STRIP2: variants seen among roughly 807,000 people sequenced by gnomAD.
The protein encoded by STRIP2 is striatin interacting protein 2.
STRIP2 carries 84 observed loss-of-function variants against 107.1 expected under a neutral mutation model. The ratio of observed to expected loss-of-function variants is 0.78; its 90% CI spans 0.66 to 0.94. The LOEUF is 0.94. Ranked by LOEUF, STRIP2 falls within the 40% of genes least tolerant of loss-of-function variation. STRIP2 has a pLI of 0.00. For missense variants in STRIP2, 888 were observed against 1,034.2 expected, an observed-to-expected ratio of 0.86 and a Z score of 1.94; for synonymous variants, 394 against 400.4, an observed-to-expected ratio of 0.98 and a Z score of 0.19.
At chr7:129,454,116 C>G (rs762690939) in intron 5 of STRIP2, 26 bp from the exon 6 acceptor site, 1 of 1,607,716 alleles carries the variant, frequency 6.2e-7, no homozygotes, top group African/African-American at 1.3e-5. Flanking sequence ...TTATGCATTC[C>G]TGTTCTTTTT....
At chr7:129,484,374 TA>T (rs1336237701) in intron 20 of STRIP2, 2 of 152,212 alleles carry the variant, frequency 1.3e-5, no homozygotes, top group African/African-American at 4.8e-5. Context: ...AGAGCTTTTT[TA>T]TTGTTTTGTA....
At chr7:129,477,224 G>GGGAGAGGGAGAC (rs1471833741) in intron 18 of STRIP2, among the ~76,000 whole-genome samples, 1 of 85,558 alleles carries the variant, frequency 1.2e-5, no homozygotes, top group Non-Finnish European at 2.6e-5. Context: ...GAGGGAGACT[G>GGGAGAGGGAGAC]TGGGGAGAGG....
intron 3 of STRIP2, among the ~76,000 whole-genome samples, chr7:129,450,918 C>CTTTTTTTTTTTTGTTT (rs1798168738): frequency 1.8e-5 from 1 of 54,470 alleles, no homozygotes; most frequent in African/African-American, 7.9e-5. Flanking sequence ...GAGAAAGGTC[C>CTTTTTTTTTTTTGTTT]TTTTTTTTTT....
In STRIP2 at chr7:129,454,160, C is replaced by T; in HGVS notation, c.549C>T (p.Ser183=). 2 of 1,614,150 alleles carry T rather than the reference C, an allele frequency of 1.2e-6. No homozygotes were observed. The highest frequency in any genetic ancestry group is 1.7e-6 in the Non-Finnish European group (2 of 1,180,020). The change falls in exon 6 of 21, where the codon AGC becomes AGT. Residue 183 remains serine, a synonymous_variant. Transcript: ENST00000249344. ...CTGGCAGCAACAGCCAGGCCTGTAG[C>T]AGTGCCCTTCGGAAACCAGCTGTCT... ...HMEIDNSQAC[S]SALRKPAVSI...
intron 1 of STRIP2, 71 bp downstream of exon 1, chr7:129,434,672 T>G: frequency 7.2e-7 from 1 of 1,395,428 alleles, no homozygotes; most frequent in Non-Finnish European, 9.3e-7. Context: ...CTGAGGTGAT[T>G]CGGCCTCGGC....
chr7:129,474,518 G>C (rs1798868570), intron 18 of STRIP2, among the ~76,000 whole-genome samples: 3 of 151,798 alleles, frequency 2.0e-5, no homozygotes, highest in South Asian at 4.2e-4. Flanking sequence ...GGAATTATTG[G>C]GCTGAAGTAG....
intron 12 of STRIP2, among the ~76,000 whole-genome samples, 185 bp from the exon 13 acceptor site, chr7:129,460,116 G>T (rs1376350732): frequency 6.6e-6 from 1 of 152,222 alleles, no homozygotes; most frequent in Admixed American, 6.5e-5. Flanking sequence ...TGTGCACAAA[G>T]CACTTTGACT....
Position 129,462,562 on chromosome 7 carries a change from G to A in STRIP2, c.1477-404G>A, listed in dbSNP as rs1798568500. 2.6e-5 allele frequency among the ~76,000 whole-genome samples: 4 copies of A among 152,304 alleles called. No individual in the cohort carries two copies. The South Asian group carries it at 8.3e-4, about 32-fold the overall frequency. Reference sequence around the variant, plus strand: ...TTTCCATCCACTTAAAAGCTTCTTTGCTAATATTCCTTCCTGTTTCTCCAG... The same window carrying A: ...TTTCCATCCACTTAAAAGCTTCTTTACTAATATTCCTTCCTGTTTCTCCAG... On this transcript the variant is annotated intron_variant, in intron 13 of 20. Transcript: ENST00000249344.
intron 3 of STRIP2, among the ~76,000 whole-genome samples, chr7:129,447,101 C>T (rs1214400226): frequency 6.6e-6 from 1 of 152,210 alleles, no homozygotes; most frequent in African/African-American, 2.4e-5. Context: ...GCCGCTGACA[C>T]CTCAAGCACC....
chr7:129,470,765 T>C (rs772333612), intron 18 of STRIP2, 50 bp downstream of exon 18: 4 of 1,513,142 alleles, frequency 2.6e-6, no homozygotes, highest in East Asian at 2.3e-5. Context: ...GTAGCACAGG[T>C]TGGCATTTGC....
At chr7:129,456,803 C>T (rs562276734) in intron 9 of STRIP2, among the ~76,000 whole-genome samples, 161 bp downstream of exon 9, 3 of 152,210 alleles carry the variant, frequency 2.0e-5, no homozygotes, top group Non-Finnish European at 4.4e-5. Flanking sequence ...CTAGTTTGGC[C>T]TCTGTCCCCC....
At position 129,458,475 on chromosome 7, in the gene STRIP2, C is replaced by T; in HGVS notation, c.1274+25C>T. On this transcript the variant is annotated intron_variant, in intron 10 of 20. Coordinates refer to ENST00000249344, the MANE Select transcript of STRIP2 (RefSeq NM_020704.3). The surrounding 1 kb of genome is among the most constrained non-coding windows in gnomAD (Gnocchi z 4.6). The stretch of plus-strand genomic sequence containing the variant: ...GGTAGGTTTGATAGCATCAGGGACC[C>T]CTATGCTTCGGGGTTTCAGTCTCCA... 1.3e-6 allele frequency: 2 copies of T among 1,514,598 alleles called. No homozygotes were observed. Among genetic ancestry groups the T allele is most frequent in the Non-Finnish European group, 1.8e-6 (2 of 1,127,134 alleles). The allele number at this position is 1,514,598 out of a possible 1,614,324, so 93.8% of individuals were successfully genotyped here.
At chr7:129,439,850 G>A (rs1797850154) in intron 1 of STRIP2, among the ~76,000 whole-genome samples, 172 bp from the exon 2 acceptor site, 2 of 152,116 alleles carry the variant, frequency 1.3e-5, no homozygotes, top group South Asian at 4.1e-4. Flanking sequence ...TCAAGTTTTG[G>A]CTTGGCGTAG....
At chr7:129,439,123 A>G (rs1797829559) in intron 1 of STRIP2, among the ~76,000 whole-genome samples, 1 of 152,140 alleles carries the variant, frequency 6.6e-6, no homozygotes, top group Non-Finnish European at 1.5e-5. Context: ...TAAACCCTCT[A>G]ATCATGTGCT....
At chr7:129,445,071 T>A (rs976592747) in intron 3 of STRIP2, among the ~76,000 whole-genome samples, 1 of 152,202 alleles carries the variant, frequency 6.6e-6, no homozygotes, top group African/African-American at 2.4e-5. Flanking sequence ...GTGGTTTTTT[T>A]CCTGGTGGAG....
intron 18 of STRIP2, among the ~76,000 whole-genome samples, chr7:129,476,661 G>T (rs1428799439): frequency 6.6e-6 from 1 of 151,722 alleles, no homozygotes; most frequent in Non-Finnish European, 1.5e-5. Flanking sequence ...CTGGATGGCG[G>T]CCGGGAAGAG....
At chr7:129,456,977 C>G (rs1798378373) in intron 9 of STRIP2, among the ~76,000 whole-genome samples, 1 of 152,090 alleles carries the variant, frequency 6.6e-6, no homozygotes, top group Non-Finnish European at 1.5e-5. Flanking sequence ...ACCCAGGATA[C>G]CGGAACAGGT....
chr7:129,465,956 G>A (rs1798661787), intron 16 of STRIP2, among the ~76,000 whole-genome samples: 1 of 152,218 alleles, frequency 6.6e-6, no homozygotes, highest in Non-Finnish European at 1.5e-5. Flanking sequence ...CTATCAACCA[G>A]GGTATTTTTC....
chr7:129,477,064 A>G (rs894957788), intron 18 of STRIP2, among the ~76,000 whole-genome samples: 2 of 151,456 alleles, frequency 1.3e-5, no homozygotes, highest in Non-Finnish European at 2.9e-5. Flanking sequence ...AATCGCAGGC[A>G]CTCGGCAGGC....
Sources: allele counts gnomAD v4.1 joint callset (sites outside exome capture counted in the v4.1 genomes callset), GRCh38; gene constraint gnomAD v4.1.1; non-coding constraint Gnocchi (gnomAD v3.1); transcripts MANE v1.5; gene names NCBI Gene and HGNC (gene_info 2026-07-23, HGNC 2026-07-21).